The following ZNF420 variants were observed in gnomAD, a reference collection of about 807,000 sequenced individuals.
The protein encoded by ZNF420 is zinc finger protein 420.
Under a neutral mutation model 44.7 loss-of-function variants are expected in ZNF420, and 31 were observed. That is an observed-to-expected ratio of 0.69 (90% confidence interval 0.52 to 0.94). The LOEUF is 0.94. Among genes scored for constraint, ZNF420 ranks in the 40% least tolerant of loss-of-function variants. The pLI is 0.00. For synonymous variants in ZNF420, 245 were observed against 267.4 expected (o/e 0.92, Z 0.82); for missense variants, 681 against 827.9 (o/e 0.82, Z 2.18).
upstream of ZNF420, among the ~76,000 whole-genome samples, chr19:37,077,286 G>T (rs1215185183): frequency 2.0e-5 from 3 of 152,288 alleles, no homozygotes; most frequent in East Asian, 5.8e-4. Flanking sequence ...GACTAGTGCT[G>T]TACTGTGCTA....
intron 1 of ZNF420, among the ~76,000 whole-genome samples, chr19:37,031,150 T>C: frequency 6.6e-6 from 1 of 152,186 alleles, no homozygotes; most frequent in Middle Eastern, 3.2e-3. Flanking sequence ...CCACCATGCT[T>C]GGCTGCTTTC....
At chr19:37,061,962 T>G (rs975112336) in intron 1 of ZNF420, among the ~76,000 whole-genome samples, 1 of 152,200 alleles carries the variant, frequency 6.6e-6, no homozygotes, top group Non-Finnish European at 1.5e-5. Flanking sequence ...CTCAAAAAAC[T>G]TTCATCTATG....
At chr19:37,100,986 A>T (rs1365526085) in intron 4 of ZNF420, among the ~76,000 whole-genome samples, 8 of 132,086 alleles carry the variant, frequency 6.1e-5, no homozygotes, top group Non-Finnish European at 1.1e-4. Flanking sequence ...CTTTGGTTAA[A>T]TTTATTCCTT....
chr19:37,043,447 G>A (rs7245453), intron 1 of ZNF420, among the ~76,000 whole-genome samples: 1 of 151,986 alleles, frequency 6.6e-6, no homozygotes, highest in Admixed American at 6.5e-5. Context: ...CTAAATTCCT[G>A]TTAAACAGGT....
chr19:37,088,950 G>A (rs1032967015), intron 2 of ZNF420, 89 bp from the exon 3 acceptor site: 2 of 648,692 alleles, frequency 3.1e-6, no homozygotes, highest in Non-Finnish European at 5.6e-6. Context: ...GGAGAAACAG[G>A]AAGAAAAGAA....
At chr19:37,081,219 A>C (rs1020171718) in intron 2 of ZNF420, among the ~76,000 whole-genome samples, 3 of 152,044 alleles carry the variant, frequency 2.0e-5, no homozygotes, top group Non-Finnish European at 2.9e-5. Flanking sequence ...ATCTTTTGTT[A>C]CTGATTTCTA....
intron 4 of ZNF420, among the ~76,000 whole-genome samples, chr19:37,106,397 G>A (rs1027488340): frequency 1.3e-5 from 2 of 152,192 alleles, no homozygotes; most frequent in African/African-American, 2.4e-5. Context: ...ACTTTTTGAT[G>A]TGCTGCTGGA....
At chr19:37,090,595 G>C (rs1185275352) in intron 3 of ZNF420, among the ~76,000 whole-genome samples, 1 of 151,802 alleles carries the variant, frequency 6.6e-6, no homozygotes, top group Non-Finnish European at 1.5e-5. Flanking sequence ...TGCTTCCTTT[G>C]TGGAGGGATC....
Position 37,127,678 on chromosome 19 carries a change from GA to G in ZNF420, c.690del (p.Ala231ProfsTer120). The G allele has an allele frequency of 6.2e-7, 1 of 1,613,824 alleles. No homozygotes were observed. The highest frequency in any genetic ancestry group is 8.5e-7 in the Non-Finnish European group (1 of 1,179,870). On this transcript the variant is annotated frameshift_variant, in exon 5 of 5. Transcript: ENST00000337995. LOFTEE classifies it high-confidence loss of function. Reference protein sequence around the residue: ...EKPYKCEECGKAFIRSSQLTR... With the variant: ...EKPYKCEECGXAFIRSSQLTR... ...AACCATATAAATGTGAAGAATGTGG[GA>G]AAGCCTTTATTCGTAGCTCACAACT...
At chr19:37,059,652 C>T (rs770386569) in intron 1 of ZNF420, among the ~76,000 whole-genome samples, 1 of 152,170 alleles carries the variant, frequency 6.6e-6, no homozygotes, top group Non-Finnish European at 1.5e-5. Context: ...GTCGTGCCCG[C>T]CGTGATCTCG....
chr19:37,096,536 A>T (rs1318497355), intron 4 of ZNF420, among the ~76,000 whole-genome samples: 1 of 152,176 alleles, frequency 6.6e-6, no homozygotes, highest in Admixed American at 6.5e-5. Context: ...GTTTGTTTGT[A>T]ATCCCTGCTC....
At chr19:37,084,806 G>A (rs1968663945) in intron 2 of ZNF420, among the ~76,000 whole-genome samples, 1 of 151,952 alleles carries the variant, frequency 6.6e-6, no homozygotes, top group Admixed American at 6.6e-5. Context: ...AAAATTATTG[G>A]CATAGAATTG....
At chr19:37,059,730 A>G (rs1967834975) in intron 1 of ZNF420, among the ~76,000 whole-genome samples, 1 of 151,384 alleles carries the variant, frequency 6.6e-6, no homozygotes, top group Admixed American at 6.6e-5. Flanking sequence ...GGAGAGCAGA[A>G]CCCCGCAGCC....
At chr19:37,126,803 TA>T (rs2145346522) in intron 4 of ZNF420, among the ~76,000 whole-genome samples, 1 of 151,360 alleles carries the variant, frequency 6.6e-6, no homozygotes, top group African/African-American at 2.5e-5. Flanking sequence ...CCTTCTTAGC[TA>T]ATTTTTTTTA....
upstream of ZNF420, among the ~76,000 whole-genome samples, chr19:37,075,857 T>A (rs1968137990): frequency 1.3e-5 from 2 of 152,150 alleles, no homozygotes; most frequent in Non-Finnish European, 2.9e-5. Flanking sequence ...TTACCCTAAA[T>A]CCTCTCTTCT....
chr19:37,036,310 C>T (rs1208532563), intron 1 of ZNF420, among the ~76,000 whole-genome samples: 9 of 152,182 alleles, frequency 5.9e-5, no homozygotes, highest in Admixed American at 3.9e-4. Flanking sequence ...TTGATCACTA[C>T]ATATTGTATG....
At chr19:37,104,973 C>A (rs1476849577) in intron 4 of ZNF420, among the ~76,000 whole-genome samples, 2 of 152,160 alleles carry the variant, frequency 1.3e-5, no homozygotes, top group Non-Finnish European at 1.5e-5. Context: ...TTGGTAGTTT[C>A]TTTTGCTGTG....
At chr19:37,060,709 G>C (rs998498432) in intron 1 of ZNF420, among the ~76,000 whole-genome samples, 3 of 152,010 alleles carry the variant, frequency 2.0e-5, no homozygotes, top group Non-Finnish European at 4.4e-5. Context: ...CCTCATGTGT[G>C]GGGGGGATTG....
chr19:37,018,045 C>T (rs1334456489), intron 1 of ZNF420, among the ~76,000 whole-genome samples: 1 of 151,886 alleles, frequency 6.6e-6, no homozygotes, highest in Non-Finnish European at 1.5e-5. Context: ...AAAGAGAAAA[C>T]CATGCCATTC....
Sources: allele counts gnomAD v4.1 joint callset (sites outside exome capture counted in the v4.1 genomes callset), GRCh38; gene constraint gnomAD v4.1.1; transcripts MANE v1.5; gene names NCBI Gene and HGNC (gene_info 2026-07-23, HGNC 2026-07-21).